PPP2R2B: variants seen among roughly 807,000 people sequenced by gnomAD.
PPP2R2B encodes protein phosphatase 2 regulatory subunit Bbeta.
A neutral mutation model predicts 46.0 loss-of-function variants in PPP2R2B; 5 were observed. The observed-to-expected ratio is 0.11, with a 90% CI of 0.06 to 0.23. The LOEUF (loss-of-function observed/expected upper bound fraction) is 0.23. Ranked by LOEUF, PPP2R2B falls within the 10% of genes least tolerant of loss-of-function variation. PPP2R2B has a pLI of 1.00. For missense variants in PPP2R2B, 367 were observed against 575.0 expected (o/e 0.64, Z 3.70); for synonymous variants, 215 against 206.7 (o/e 1.04, Z -0.34).
intron 7 of PPP2R2B, among the ~76,000 whole-genome samples, chr5:146,609,026 A>C (rs67055347): frequency 0.1 from 15,916 of 152,138 alleles, 1,464 homozygotes; most frequent in East Asian, 0.24. Context: ...AAATCCTCAA[A>C]AAAATACTAG....
At chr5:146,707,129 C>G in intron 2 of PPP2R2B, 1 of 1,597,196 alleles carries the variant, frequency 6.3e-7, no homozygotes, top group Non-Finnish European at 8.5e-7. Flanking sequence ...AGCTCCGCCT[C>G]CAGCTTCAGC....
At chr5:146,820,078 T>C (rs1253984987) in intron 2 of PPP2R2B, among the ~76,000 whole-genome samples, 1 of 151,950 alleles carries the variant, frequency 6.6e-6, no homozygotes, top group Non-Finnish European at 1.5e-5. Flanking sequence ...TTGGGAGAGG[T>C]TGGTCAATGG....
Position 146,753,033 on chromosome 5 carries a change from G to A in PPP2R2B, c.71-51891C>T, listed in dbSNP as rs532077447. On this transcript the variant is annotated intron_variant, in intron 2 of 9. Transcript: ENST00000394411. ...GTGGCTATGACTTCAAATTTTTCAT[G>A]GAGCTTCTTGTGGAAAGAAACACAT... Among the ~76,000 whole-genome samples the A allele has an allele frequency of 3.3e-5, 5 of 152,266 alleles. No individual in the cohort carries two copies. The East Asian group carries it at 7.7e-4, about 24-fold the overall frequency.
At chr5:146,761,106 C>T (rs372403613) in intron 2 of PPP2R2B, among the ~76,000 whole-genome samples, 54 of 152,204 alleles carry the variant, frequency 3.5e-4, no homozygotes, top group Non-Finnish European at 5.3e-4. Context: ...GTCAGTGTGG[C>T]GATTCCTCAG....
rs1414646850 is a variant in PPP2R2B at position 146,913,143 on chromosome 5, G to A, written c.79+142522C>T. On this transcript the variant is annotated intron_variant, in intron 1 of 8. Coordinates refer to the PPP2R2B transcript ENST00000336640. The stretch of plus-strand genomic sequence containing the variant: ...TGAAGGCAAGAATGAGTTTATATTC[G>A]GCGGAAATAGTCTATTTCCTGTGAT... Among the ~76,000 whole-genome samples, 7 of 152,270 alleles carry A rather than the reference G, an allele frequency of 4.6e-5. 1 individual carries two copies. The highest frequency in any genetic ancestry group is 2.1e-4 in the South Asian group (1 of 4,822).
chr5:146,944,285 G>A (rs904064383), intron 1 of PPP2R2B, among the ~76,000 whole-genome samples: 9 of 152,054 alleles, frequency 5.9e-5, no homozygotes, highest in Non-Finnish European at 8.8e-5. Context: ...ATGGGAGTGG[G>A]GTGGGAAACT....
At chr5:146,653,087 G>C (rs1581797650) in intron 5 of PPP2R2B, among the ~76,000 whole-genome samples, 2 of 152,252 alleles carry the variant, frequency 1.3e-5, no homozygotes, top group African/African-American at 4.8e-5. Context: ...TCTTTCAAAA[G>C]CTCTGTGAAA....
chr5:146,812,801 A>ATATATATATATG, intron 2 of PPP2R2B, among the ~76,000 whole-genome samples: 1 of 51,190 alleles, frequency 2.0e-5, no homozygotes. Context: ...GTGTATATAT[A>ATATATATATATG]TATATATATA....
chr5:147,008,736 A>G (rs1754570076), intron 1 of PPP2R2B, among the ~76,000 whole-genome samples: 1 of 152,054 alleles, frequency 6.6e-6, no homozygotes, highest in East Asian at 1.9e-4. Context: ...CACACCTCAG[A>G]TGTTTGAGGG....
intron 6 of PPP2R2B, among the ~76,000 whole-genome samples, chr5:146,641,840 G>C (rs1300973547): frequency 6.6e-6 from 1 of 152,144 alleles, no homozygotes; most frequent in Non-Finnish European, 1.5e-5. Context: ...GATGCATTTT[G>C]ACAGTCACTT....
At chr5:146,643,557 A>G (rs1372092293) in intron 6 of PPP2R2B, among the ~76,000 whole-genome samples, 5 of 152,238 alleles carry the variant, frequency 3.3e-5, no homozygotes, top group Non-Finnish European at 4.4e-5. Context: ...GCAAAGGCAT[A>G]AGAATGACAC....
intron 7 of PPP2R2B, among the ~76,000 whole-genome samples, chr5:146,620,832 T>A (rs734125): frequency 0.018 from 2,723 of 152,268 alleles, 69 homozygotes; most frequent in African/African-American, 0.062. Context: ...AAGCCCGAAC[T>A]CCCTGGGGAG....
At chr5:146,639,501 A>C (rs1450843119) in intron 6 of PPP2R2B, among the ~76,000 whole-genome samples, 1 of 152,172 alleles carries the variant, frequency 6.6e-6, no homozygotes, top group Non-Finnish European at 1.5e-5. Flanking sequence ...GGGTTTGTAC[A>C]GATCTCTTCA....
At chr5:146,805,315 C>G (rs1561921152) in intron 2 of PPP2R2B, among the ~76,000 whole-genome samples, 1 of 152,156 alleles carries the variant, frequency 6.6e-6, no homozygotes, top group Non-Finnish European at 1.5e-5. Context: ...CATGCTGACT[C>G]AAGGAACATT....
intron 8 of PPP2R2B, among the ~76,000 whole-genome samples, 154 bp downstream of exon 8, chr5:146,600,137 T>C (rs1403538519): frequency 6.6e-6 from 1 of 152,208 alleles, no homozygotes; most frequent in African/African-American, 2.4e-5. Flanking sequence ...TTATCTTAAA[T>C]CCTGTGGCAC....
At chr5:146,854,228 G>A (rs933682734) in intron 2 of PPP2R2B, among the ~76,000 whole-genome samples, 1 of 152,068 alleles carries the variant, frequency 6.6e-6, no homozygotes, top group African/African-American at 2.4e-5. Flanking sequence ...AGCCCTACAA[G>A]GCTTCATGTC....
rs554245252 is a variant in PPP2R2B, at chr5:146,588,808, T to C, written c.*1139A>G. 7.2e-5 allele frequency: 11 copies of C among 152,214 alleles called. No individual in the cohort carries two copies. Among genetic ancestry groups the C allele is most frequent in the Non-Finnish European group, 1.6e-4 (11 of 68,048 alleles). The allele number at this position is 152,214 out of a possible 1,614,324, so 9.4% of individuals were successfully genotyped here. ...GAGCCTTCTGGTCTGTTTTTCCAGATGGCGAGCTTGGGGTGAGTTAGAAGT... is the reference window on the plus strand; with the variant it reads ...GAGCCTTCTGGTCTGTTTTTCCAGACGGCGAGCTTGGGGTGAGTTAGAAGT... On this transcript the variant is annotated 3_prime_UTR_variant, in exon 10 of 10. Coordinates refer to ENST00000394411, the MANE Select transcript of PPP2R2B (RefSeq NM_181675.4).
At chr5:147,081,359 T>C (rs1213865422) in exon 1 of PPP2R2B, 2 of 1,483,966 alleles carry the variant, frequency 1.3e-6, no homozygotes, top group Non-Finnish European at 1.8e-6. Context: ...TCTCCTCCGT[T>C]TGACCAGGCC....
At chr5:146,702,622 A>G (rs2151169305) in intron 2 of PPP2R2B, among the ~76,000 whole-genome samples, 1 of 152,368 alleles carries the variant, frequency 6.6e-6, no homozygotes, top group African/African-American at 2.4e-5. Flanking sequence ...ATATATAGGA[A>G]GCTGGAAATC....
Sources: gnomAD v4.1 joint callset for allele counts (sites outside exome capture counted in the v4.1 genomes callset) on GRCh38, gnomAD v4.1.1 for gene constraint, MANE v1.5 for transcripts, NCBI Gene and HGNC (gene_info 2026-07-23, HGNC 2026-07-21) for gene names.